CBX5: variants seen among roughly 807,000 people sequenced by gnomAD.
The protein encoded by CBX5 is chromobox 5.
A neutral mutation model predicts 20.7 loss-of-function variants in CBX5; 7 were observed. The ratio of observed to expected loss-of-function variants is 0.34; its 90% CI spans 0.19 to 0.63. CBX5 has a LOEUF of 0.63. CBX5 is among the 30% of genes least tolerant of loss of function. The pLI is 0.75. For missense variants in CBX5, 110 were observed against 224.1 expected (o/e 0.49, Z 3.25); for synonymous variants, 78 against 77.0 (o/e 1.01, Z -0.07).
chr12:54,273,090 ATTC>A (rs1448186957), intron 1 of CBX5: 3 of 152,194 alleles, frequency 2.0e-5, no homozygotes, highest in African/African-American at 7.2e-5. Flanking sequence ...CCCCAAAGAG[ATTC>A]TTATCTTAAT....
At chr12:54,251,622 T>C (rs1407508772) in intron 3 of CBX5, among the ~76,000 whole-genome samples, 3 of 151,842 alleles carry the variant, frequency 2.0e-5, no homozygotes, top group African/African-American at 4.8e-5. Flanking sequence ...GAGTTGGAGA[T>C]TGCAGTGAGC....
chr12:54,253,304 A>G (rs1386392929), intron 2 of CBX5, among the ~76,000 whole-genome samples: 2 of 152,136 alleles, frequency 1.3e-5, no homozygotes, highest in Non-Finnish European at 2.9e-5. Flanking sequence ...AGTCCCAGCT[A>G]CGCAGGAGGC....
chr12:54,263,934 T>A (rs1404296947), intron 1 of CBX5, among the ~76,000 whole-genome samples: 2 of 151,464 alleles, frequency 1.3e-5, no homozygotes, highest in East Asian at 3.9e-4. Context: ...TCCCAGCTAC[T>A]GGGGAGGCTG....
chr12:54,275,493 G>A (rs1375442032), intron 1 of CBX5, among the ~76,000 whole-genome samples: 2 of 151,852 alleles, frequency 1.3e-5, no homozygotes, highest in African/African-American at 2.4e-5. Context: ...TGCCCGCCTC[G>A]GCCTCCCAAA....
intron 2 of CBX5, among the ~76,000 whole-genome samples, chr12:54,256,409 A>C (rs895874436): frequency 6.6e-6 from 1 of 152,234 alleles, no homozygotes; most frequent in African/African-American, 2.4e-5. Context: ...TACAACGCCA[A>C]TAATTCTCCA....
Position 54,241,568 on chromosome 12 carries a change from C to T in CBX5, c.*187G>A. On this transcript the variant is annotated 3_prime_UTR_variant, in exon 5 of 5. Coordinates refer to ENST00000209875, the MANE Select transcript of CBX5 (RefSeq NM_012117.3). ...AATGCCTGGTCTTCACAGAGAGACACTTATCATTAATCAGACCATCAGTTA... is the reference window on the plus strand; with the variant it reads ...AATGCCTGGTCTTCACAGAGAGACATTTATCATTAATCAGACCATCAGTTA... 1 of 578,920 alleles carries T rather than the reference C, an allele frequency of 1.7e-6. No individual in the cohort carries two copies. Among genetic ancestry groups the T allele is most frequent in the South Asian group, 2.4e-5 (1 of 41,270 alleles). 35.9% of individuals were successfully genotyped at this position (578,920 alleles called of 1,614,324 possible).
At chr12:54,255,940 A>C (rs1943859109) in intron 2 of CBX5, 2 of 152,214 alleles carry the variant, frequency 1.3e-5, no homozygotes, top group Admixed American at 1.3e-4. Context: ...AATCGAAGAG[A>C]GCACAAGAGG....
chr12:54,261,027 C>T (rs1191441885), intron 1 of CBX5, among the ~76,000 whole-genome samples: 2 of 151,924 alleles, frequency 1.3e-5, no homozygotes, highest in African/African-American at 4.8e-5. Flanking sequence ...CCCATCTCTA[C>T]TAAAAATGCA....
chr12:54,244,129 G>A (rs1943708288), intron 4 of CBX5, among the ~76,000 whole-genome samples: 1 of 150,832 alleles, frequency 6.6e-6, no homozygotes, highest in South Asian at 2.1e-4. Context: ...AGCCTCCCAA[G>A]TAGCTGGGAC....
intron 3 of CBX5, among the ~76,000 whole-genome samples, chr12:54,251,734 C>T (rs1276134258): frequency 6.6e-6 from 1 of 152,094 alleles, no homozygotes; most frequent in Non-Finnish European, 1.5e-5. Flanking sequence ...AAAAAATTCA[C>T]CAATGATCCT....
chr12:54,270,728 T>A (rs573847616), intron 1 of CBX5, among the ~76,000 whole-genome samples: 30 of 152,334 alleles, frequency 2.0e-4, no homozygotes, highest in East Asian at 7.7e-4. Flanking sequence ...TGTTACTGAT[T>A]TTTTATTTAA....
At chr12:54,255,349 GGAGTTCGA>G (rs1339329049) in intron 2 of CBX5, among the ~76,000 whole-genome samples, 32 of 152,084 alleles carry the variant, frequency 2.1e-4, no homozygotes, top group African/African-American at 7.2e-4. Flanking sequence ...CACAAGGTCA[GGAGTTCGA>G]GACCAGCCTG....
At chr12:54,252,269 G>A (rs779619306) in intron 2 of CBX5, 42 bp from the exon 3 acceptor site, 6 of 1,449,104 alleles carry the variant, frequency 4.1e-6, no homozygotes, top group Admixed American at 2.4e-5. Context: ...AAAGGGGGGG[G>A]TAAAGAATGA....
At chr12:54,245,050 C>T (rs918222528) in intron 4 of CBX5, among the ~76,000 whole-genome samples, 18 of 150,974 alleles carry the variant, frequency 1.2e-4, no homozygotes, top group Non-Finnish European at 1.8e-4. Flanking sequence ...CTTGCTCTGT[C>T]GTTCAGGCAG....
intron 1 of CBX5, among the ~76,000 whole-genome samples, chr12:54,268,626 C>G (rs562969574): frequency 6.6e-6 from 1 of 152,242 alleles, no homozygotes; most frequent in South Asian, 2.1e-4. Context: ...TATTGAGGGC[C>G]TAAAAAGTGT....
Position 54,238,559 on chromosome 12 carries a change from A to G in CBX5, c.*3196T>C, listed in dbSNP as rs1405236773. The G allele has an allele frequency of 6.6e-6, 1 of 152,242 alleles. No homozygotes were observed. Among genetic ancestry groups the G allele is most frequent in the Non-Finnish European group, 1.5e-5 (1 of 68,042 alleles). 9.4% of individuals were successfully genotyped at this position (152,242 alleles called of 1,614,324 possible). On this transcript the variant is annotated 3_prime_UTR_variant, in exon 5 of 5. Transcript: ENST00000209875. ...AGATAGTATGTTCCAATTTTAAATA[A>G]AAATTATATTGTCTGAAAGACAATA...
At position 54,235,780 on chromosome 12, in the gene CBX5, C is replaced by A. The variant is rs1166210360; in HGVS notation, c.*5975G>T. The A allele has an allele frequency of 1.3e-5, 2 of 152,194 alleles. No homozygotes were observed. The highest frequency in any genetic ancestry group is 6.5e-5 in the Admixed American group (1 of 15,286). The allele number at this position is 152,194 out of a possible 1,614,324, so 9.4% of individuals were successfully genotyped here. ...AAGGCAGTTAAGTCTCATGTTCATT[C>A]CTCCAAAAGGGATGAGAAATTGAAA... On this transcript the variant is annotated 3_prime_UTR_variant, in exon 5 of 5. Coordinates refer to ENST00000209875, the MANE Select transcript of CBX5 (RefSeq NM_012117.3).
chr12:54,263,766 AAAAAAAAAAAAAAAAAAGAAAAG>A (rs1943933380), intron 1 of CBX5, among the ~76,000 whole-genome samples: 1 of 145,230 alleles, frequency 6.9e-6, no homozygotes, highest in African/African-American at 2.6e-5. Context: ...CTATCTCAAA[AAAAAAAAAAAAAAAAAAGAAAAG>A]AAAAAAGAAA....
At chr12:54,258,843 G>C (rs1294010340) in intron 1 of CBX5, among the ~76,000 whole-genome samples, 1 of 152,062 alleles carries the variant, frequency 6.6e-6, no homozygotes, top group East Asian at 1.9e-4. Context: ...TTTCCACCCT[G>C]ACCAGAAAAC....
Sources: gnomAD v4.1 joint callset for allele counts (sites outside exome capture counted in the v4.1 genomes callset) on GRCh38, gnomAD v4.1.1 for gene constraint, MANE v1.5 for transcripts, NCBI Gene and HGNC (gene_info 2026-07-23, HGNC 2026-07-21) for gene names.